TIGD7: variants seen among roughly 807,000 people sequenced by gnomAD.
TIGD7 encodes tigger transposable element derived 7.
Under a neutral mutation model 24.8 loss-of-function variants are expected in TIGD7, and 26 were observed. That is an observed-to-expected ratio of 1.05 (90% CI 0.77 to 1.45). The LOEUF (loss-of-function observed/expected upper bound fraction) is 1.45, where lower values mean the gene tolerates loss of function less well. Ranked by LOEUF, TIGD7 falls within the 40% of genes most tolerant of loss-of-function variation. The pLI is 0.00. For missense variants in TIGD7, 679 were observed against 641.6 expected (o/e 1.06, Z -0.63); for synonymous variants, 221 against 224.1 (o/e 0.99, Z 0.12).
chr16:3,300,453 G>GTCCAGAATTA lies in TIGD7; in HGVS notation c.152_161dup (p.Phe55AsnfsTer16). ...ATGGCATGTCCTGCTTCAGTACAAA[G>GTCCAGAATTA]TCCAGAATTAACTTCTTATTTTTTT... On this transcript the variant is annotated frameshift_variant, in exon 2 of 2. Coordinates refer to ENST00000396862, the MANE Select transcript of TIGD7 (RefSeq NM_033208.4). LOFTEE classifies it high-confidence loss of function. 2 of 1,614,018 alleles carry GTCCAGAATTA rather than the reference G, an allele frequency of 1.2e-6. No homozygotes were observed. Among genetic ancestry groups the GTCCAGAATTA allele is most frequent in the Non-Finnish European group, 1.7e-6 (2 of 1,180,012 alleles).
rs1959887032 is a variant in TIGD7 at position 3,299,956 on chromosome 16, C to T, written c.659G>A (p.Gly220Glu). 2 of 1,613,668 alleles carry T rather than the reference C, an allele frequency of 1.2e-6. No homozygotes were observed. The highest frequency in any genetic ancestry group is 1.3e-5 in the African/African-American group (1 of 75,004). Residue 220 changes from glycine (G) to glutamate (E), a missense_variant, in exon 2 of 2, where the codon GGA becomes GAA. Coordinates refer to ENST00000396862, the MANE Select transcript of TIGD7 (RefSeq NM_033208.4). ...AATGATTGACTTTAATTTATGAGTT[C>T]CGTCTGCATTTGCACATAAAAAGGC... ...LSAFLCANAD[G>E]THKLKSIIIG...
In TIGD7 at chr16:3,299,351, C is replaced by A. The variant is rs202245429; in HGVS notation, c.1264G>T (p.Glu422Ter). Residue 422 changes from glutamate (E) to a stop codon, truncating the protein, a stop_gained, in exon 2 of 2, where the codon GAA becomes TAA. Transcript: ENST00000396862. LOFTEE classifies it low-confidence loss of function (END_TRUNC). The stretch of plus-strand genomic sequence containing the variant: ...AACTCCCCACATTTTTCAAGAATTT[C>A]TCTATAATCCCCATGTTCTAAGCCT... The part of the protein sequence containing the change: ...FQGLEHGDYR[E>*]ILEKCGELET... 2.1e-5 allele frequency: 33 copies of A among 1,589,736 alleles called. No homozygotes were observed. In the East Asian group the frequency reaches 7.3e-4, roughly 35 times the overall value.
chr16:3,303,647 A>C (rs1960005292), intron 1 of TIGD7: 1 of 152,168 alleles, frequency 6.6e-6, no homozygotes, highest in Non-Finnish European at 1.5e-5. Flanking sequence ...CTCTCACTTA[A>C]AAAGGATCAA....
chr16:3,303,693 C>G (rs1373534940), intron 1 of TIGD7: 1 of 152,200 alleles, frequency 6.6e-6, no homozygotes, highest in African/African-American at 2.4e-5. Flanking sequence ...ACCATCCCAT[C>G]CAAAAGCAAA....
chr16:3,303,246 C>G (rs1959990352), intron 1 of TIGD7, among the ~76,000 whole-genome samples: 4 of 152,216 alleles, frequency 2.6e-5, no homozygotes, highest in Admixed American at 2.6e-4. Flanking sequence ...GGCAGCAAAC[C>G]TCACACAATG....
Position 3,299,047 on chromosome 16 carries a change from C to G in TIGD7, c.1568G>C (p.Arg523Thr). 7.2e-7 allele frequency: 1 copy of G among 1,391,836 alleles called. No individual in the cohort carries two copies. The highest frequency in any genetic ancestry group is 9.4e-7 in the Non-Finnish European group (1 of 1,067,326). The allele number at this position is 1,391,836 out of a possible 1,614,324, so 86.2% of individuals were successfully genotyped here. The change falls in exon 2 of 2, where the codon AGA becomes ACA. Residue 523 changes from arginine to threonine, a missense_variant. By Grantham distance (71) the Arg-to-Thr change is moderately conservative. Coordinates refer to ENST00000396862, the MANE Select transcript of TIGD7 (RefSeq NM_033208.4). ...KKQFQSKIHS[R>T]IGSFLKPRPH... ...CCTAGGTTTCAAAAAGCTACCAATT[C>G]TAGAATGGATTTTACTCTGGAACTG...
chr16:3,300,784 C>A lies in TIGD7; in HGVS notation c.-170G>T. ...GAAGGGGCTAACCATGACTGAAGAG[C>A]TAGTCTAGAGGTGGAGGTCTTATGC... On this transcript the variant is annotated 5_prime_UTR_variant, in exon 2 of 2. It removes the in-frame stop codon of an upstream open reading frame in the 5' UTR. Transcript: ENST00000396862. 8.3e-7 allele frequency: 1 copy of A among 1,210,422 alleles called. No individual in the cohort carries two copies. The highest frequency in any genetic ancestry group is 1.1e-6 in the Non-Finnish European group (1 of 898,880). 75.0% of individuals were successfully genotyped at this position (1,210,422 alleles called of 1,614,324 possible). A position where few individuals can be genotyped will look rare whatever the true frequency, so the allele number is the denominator to read the frequency against.
chr16:3,300,669 G>A lies in TIGD7; in HGVS notation c.-55C>T, dbSNP rs1305425741. 2.0e-5 allele frequency: 31 copies of A among 1,513,662 alleles called. No homozygotes were observed. The highest frequency in any genetic ancestry group is 2.6e-5 in the Non-Finnish European group (29 of 1,135,542). The allele number at this position is 1,513,662 out of a possible 1,614,324, so 93.8% of individuals were successfully genotyped here. A position where few individuals can be genotyped will look rare whatever the true frequency, so the allele number is the denominator to read the frequency against. On this transcript the variant is annotated 5_prime_UTR_variant, in exon 2 of 2. Transcript: ENST00000396862. ...AGAAAACAAAGGGAAAAGCCTTAAT[G>A]AATTGGCAAAAAAAAAACCCACATT...
Position 3,299,470 on chromosome 16 carries a change from T to C in TIGD7, c.1145A>G (p.Asn382Ser). 1 of 1,554,654 alleles carries C rather than the reference T, an allele frequency of 6.4e-7. No homozygotes were observed. The highest frequency in any genetic ancestry group is 8.7e-7 in the Non-Finnish European group (1 of 1,152,864). ...KIYNIKSAIF[N>S]WAKSWEEVKQ... ...TACTTCTTCCCAACTTTTTGCCCAG[T>C]TAAAAATTGCACTTTTTATATTGTA... Residue 382 changes from asparagine (N) to serine (S), a missense_variant, in exon 2 of 2, where the codon AAC (asparagine) becomes AGC (serine). By Grantham distance (46) the Asn-to-Ser change is conservative. Transcript: ENST00000396862.
rs1959949482 is a variant in TIGD7 at position 3,302,018 on chromosome 16, A to G, written c.-1395-9T>C. Reference sequence around the variant, plus strand: ...TTTATCCATTCCAGGTGCTACGAAGAAAGAAAAGTATGTCAGAGAAATAAG... The same window carrying G: ...TTTATCCATTCCAGGTGCTACGAAGGAAGAAAAGTATGTCAGAGAAATAAG... On this transcript the variant is annotated splice_polypyrimidine_tract_variant and intron_variant, in intron 1 of 1. Transcript: ENST00000396862. The G allele has an allele frequency of 6.0e-6, 1 of 165,640 alleles. No homozygotes were observed. The highest frequency in any genetic ancestry group is 1.5e-5 in the Non-Finnish European group (1 of 68,136). 10.3% of individuals were successfully genotyped at this position (165,640 alleles called of 1,614,324 possible). A position where few individuals can be genotyped will look rare whatever the true frequency, so the allele number is the denominator to read the frequency against.
At position 3,305,418 on chromosome 16, in the gene TIGD7, G is replaced by C. The variant is rs890044330; in HGVS notation, c.-1602C>G. 3 of 152,446 alleles carry C rather than the reference G, an allele frequency of 2.0e-5. No homozygotes were observed. The highest frequency in any genetic ancestry group is 4.4e-5 in the Non-Finnish European group (3 of 68,234). 9.4% of individuals were successfully genotyped at this position (152,446 alleles called of 1,614,324 possible). On this transcript the variant is annotated 5_prime_UTR_variant, in exon 1 of 2. Transcript: ENST00000396862. ...AGACAGCAGTTTCTCTGGCGAGGAA[G>C]TAGGCCGGGCTCAGGCGCCTTAGCC...
In TIGD7 at chr16:3,298,975, G is replaced by C; in HGVS notation, c.1640C>G (p.Ser547Cys). Residue 547 changes from serine to cysteine, a missense_variant, in exon 2 of 2, where the codon TCT (serine) becomes TGT (cysteine). Physicochemically the swap from Ser to Cys is moderately radical, Grantham distance 112 (BLOSUM62 -1). Transcript: ENST00000396862. Reference sequence around the variant, plus strand: ...CTTTAAACACAAAATCTAATGATTAGAACCAGAAGTTGAAGGCCCACTGAA... The same window carrying C: ...CTTTAAACACAAAATCTAATGATTACAACCAGAAGTTGAAGGCCCACTGAA... ...DSFSGPSTSG[S>C]NH 1 of 1,251,158 alleles carries C rather than the reference G, an allele frequency of 8.0e-7. No individual in the cohort carries two copies. The highest frequency in any genetic ancestry group is 1.0e-6 in the Non-Finnish European group (1 of 961,360). The allele number at this position is 1,251,158 out of a possible 1,614,324, so 77.5% of individuals were successfully genotyped here.
In TIGD7 at chr16:3,299,163, C is replaced by G; in HGVS notation, c.1452G>C (p.Leu484Phe). The G allele has an allele frequency of 1.9e-6, 3 of 1,553,610 alleles. No homozygotes were observed. Among genetic ancestry groups the G allele is most frequent in the Non-Finnish European group, 2.6e-6 (3 of 1,153,612 alleles). Residue 484 changes from leucine to phenylalanine, a missense_variant, in exon 2 of 2, where the codon TTG becomes TTC. Transcript: ENST00000396862. Reference protein sequence around the residue: ...EFKLSAVRESLDYLLDFVDAT... With the variant: ...EFKLSAVRESFDYLLDFVDAT... The stretch of plus-strand genomic sequence containing the variant: ...CATCAACAAAGTCAAGAAGGTAGTC[C>G]AAACTCTCTCTTACAGCAGATAATT...
Position 3,299,607 on chromosome 16 carries a change from C to G in TIGD7, c.1008G>C (p.Leu336Phe), listed in dbSNP as rs755276865. The change falls in exon 2 of 2, where the codon TTG (leucine) becomes TTC (phenylalanine). Residue 336 changes from leucine to phenylalanine, a missense_variant. Transcript: ENST00000396862. ...TCCATCTATACAGCCGTTTGCAGCT[C>G]AAGATCACACCTTGATTCATTGGTT... ...LIQPMNQGVILSCKRLYRWKQ... is the reference protein window; with the variant it reads ...LIQPMNQGVIFSCKRLYRWKQ... 32 of 1,560,244 alleles carry G rather than the reference C, an allele frequency of 2.1e-5. No homozygotes were observed. The highest frequency in any genetic ancestry group is 2.2e-5 in the Admixed American group (1 of 46,488).
At chr16:3,302,891 G>A (rs1212738886) in intron 1 of TIGD7, among the ~76,000 whole-genome samples, 1 of 145,630 alleles carries the variant, frequency 6.9e-6, no homozygotes. Flanking sequence ...AGGCTGGAGT[G>A]CAGTGACACA....
Position 3,300,683 on chromosome 16 carries a change from A to G in TIGD7, c.-69T>C. The G allele has an allele frequency of 7.3e-6, 11 of 1,515,830 alleles. No individual in the cohort carries two copies. Among genetic ancestry groups the G allele is most frequent in the South Asian group, 1.4e-5 (1 of 72,372 alleles). The allele number at this position is 1,515,830 out of a possible 1,614,324, so 93.9% of individuals were successfully genotyped here. A position where few individuals can be genotyped will look rare whatever the true frequency, so the allele number is the denominator to read the frequency against. ...AAAGCCTTAATGAATTGGCAAAAAA[A>G]AAACCCACATTTTTTAAACAAAACT... On this transcript the variant is annotated 5_prime_UTR_variant, in exon 2 of 2. Transcript: ENST00000396862.
chr16:3,303,751 A>G (rs911631854), intron 1 of TIGD7: 1 of 152,234 alleles, frequency 6.6e-6, no homozygotes, highest in African/African-American at 2.4e-5. Context: ...TTCTCACCTT[A>G]AACTTACCTT....
chr16:3,298,860 A>T lies in TIGD7; in HGVS notation c.*105T>A, dbSNP rs1959843715. 2 of 423,336 alleles carry T rather than the reference A, an allele frequency of 4.7e-6. No individual in the cohort carries two copies. Among genetic ancestry groups the T allele is most frequent in the African/African-American group, 4.1e-5 (2 of 49,086 alleles). The allele number at this position is 423,336 out of a possible 1,614,324, so 26.2% of individuals were successfully genotyped here. A position where few individuals can be genotyped will look rare whatever the true frequency, so the allele number is the denominator to read the frequency against. On this transcript the variant is annotated 3_prime_UTR_variant, in exon 2 of 2. Coordinates refer to ENST00000396862, the MANE Select transcript of TIGD7 (RefSeq NM_033208.4). ...TTTTCAAACTGTAAATTTTATAACC[A>T]TTATATAAATGGGCACTGATATACA... is the stretch of plus-strand genomic sequence containing the variant.
rs1042121953 is a variant in TIGD7, at chr16:3,305,382, ACCG to A, written c.-1569_-1567del. ...TACTCGGTGGCATTAACCCTTCCCT[ACCG>A]CCGGGGAAGACAGCAGTTTCTCTGG... On this transcript the variant is annotated 5_prime_UTR_variant, in exon 1 of 2. Transcript: ENST00000396862. The A allele has an allele frequency of 6.6e-6, 1 of 152,274 alleles. No individual in the cohort carries two copies. Among genetic ancestry groups the A allele is most frequent in the African/African-American group, 2.4e-5 (1 of 41,446 alleles). The allele number at this position is 152,274 out of a possible 1,614,324, so 9.4% of individuals were successfully genotyped here. A position where few individuals can be genotyped will look rare whatever the true frequency, so the allele number is the denominator to read the frequency against.
Sources: gnomAD v4.1 joint callset for allele counts (sites outside exome capture counted in the v4.1 genomes callset) on GRCh38, gnomAD v4.1.1 for gene constraint, MANE v1.5 for transcripts, NCBI Gene and HGNC (gene_info 2026-07-23, HGNC 2026-07-21) for gene names.